CDH12: variants seen among roughly 807,000 people sequenced by gnomAD.
CDH12 encodes cadherin 12, also known as cadherin-12.
Under a neutral mutation model 74.1 loss-of-function variants are expected in CDH12, and 41 were observed. That is an observed-to-expected ratio of 0.55 (90% confidence interval 0.43 to 0.72). CDH12 has a LOEUF of 0.72. Ranked by LOEUF, CDH12 falls within the 30% of genes least tolerant of loss-of-function variation. The pLI is 0.00. For synonymous variants in CDH12, 399 were observed against 355.0 expected (o/e 1.12, Z -1.39); for missense variants, 945 against 977.2 (o/e 0.97, Z 0.44).
intron 5 of CDH12, among the ~76,000 whole-genome samples, chr5:21,993,201 C>T (rs1490387889): frequency 3.9e-5 from 6 of 152,106 alleles, no homozygotes; most frequent in African/African-American, 1.4e-4. Context: ...CAATACTGAA[C>T]TAAATCAAAA....
chr5:22,244,601 A>AGAG lies in CDH12; in HGVS notation c.-332-31961_-332-31959dup, dbSNP rs375956439. Among the ~76,000 whole-genome samples the AGAG allele has an allele frequency of 6.0e-3, 765 of 127,934 alleles. 8 individuals carry two copies. Among genetic ancestry groups the AGAG allele is most frequent in the African/African-American group, 0.021 (741 of 34,622 alleles). The allele number at this position is 127,934 out of a possible 152,430, so 83.9% of individuals were successfully genotyped here. On this transcript the variant is annotated intron_variant, in intron 3 of 14. Coordinates refer to ENST00000382254, the MANE Select transcript of CDH12 (RefSeq NM_004061.5). Reference sequence around the variant, plus strand: ...AGTAAGAGAAAGAAAGGAAAGACAGAGAGAGAAAGGAAGGAGGGAGGGAAG... The same window carrying AGAG: ...AGTAAGAGAAAGAAAGGAAAGACAGAGAGGAGAGAAAGGAAGGAGGGAGGGAAG...
At chr5:22,365,067 A>C (rs1261128860) in intron 3 of CDH12, among the ~76,000 whole-genome samples, 1 of 152,202 alleles carries the variant, frequency 6.6e-6, no homozygotes, top group East Asian at 1.9e-4. Flanking sequence ...ACTCGACTGC[A>C]TGACATAAGT....
intron 6 of CDH12, among the ~76,000 whole-genome samples, chr5:21,930,425 T>C (rs1323523085): frequency 6.6e-6 from 1 of 152,224 alleles, no homozygotes; most frequent in Non-Finnish European, 1.5e-5. Flanking sequence ...TAATACAATA[T>C]CCATATTTGC....
intron 5 of CDH12, among the ~76,000 whole-genome samples, chr5:22,052,355 T>A (rs1380954509): frequency 6.6e-6 from 1 of 152,168 alleles, no homozygotes; most frequent in Non-Finnish European, 1.5e-5. Context: ...TAAAACTATG[T>A]GTGATTATCT....
intron 4 of CDH12, among the ~76,000 whole-genome samples, chr5:22,099,718 C>T (rs1364290773): frequency 6.6e-6 from 1 of 152,196 alleles, no homozygotes; most frequent in Non-Finnish European, 1.5e-5. Context: ...CCCAAACTGC[C>T]ACTCTTAACT....
At chr5:22,094,679 A>G (rs1261541561) in intron 4 of CDH12, among the ~76,000 whole-genome samples, 1 of 152,160 alleles carries the variant, frequency 6.6e-6, no homozygotes, top group Non-Finnish European at 1.5e-5. Flanking sequence ...GTATAGATTT[A>G]AAGATGCACA....
At chr5:22,810,204 T>A (rs1405877658) in intron 1 of CDH12, among the ~76,000 whole-genome samples, 1 of 152,178 alleles carries the variant, frequency 6.6e-6, no homozygotes, top group African/African-American at 2.4e-5. Context: ...TTCCAGATTT[T>A]AGTGATGAGA....
chr5:22,325,217 T>C (rs1739035204), intron 3 of CDH12, among the ~76,000 whole-genome samples: 2 of 152,172 alleles, frequency 1.3e-5, no homozygotes, highest in Admixed American at 1.3e-4. Flanking sequence ...ATATAAATCA[T>C]AACAAAAACA....
intron 1 of CDH12, among the ~76,000 whole-genome samples, chr5:22,782,447 TG>T (rs1747429845): frequency 6.6e-6 from 1 of 152,134 alleles, no homozygotes; most frequent in African/African-American, 2.4e-5. Flanking sequence ...TCTCTCCTGC[TG>T]CCCTGTGAAG....
intron 3 of CDH12, among the ~76,000 whole-genome samples, chr5:22,239,879 C>T (rs961537162): frequency 2.0e-5 from 3 of 152,018 alleles, no homozygotes; most frequent in Admixed American, 6.6e-5. Context: ...TTTGCTTTAA[C>T]GGAAAACTAA....
chr5:22,249,399 T>C (rs533389307), intron 3 of CDH12, among the ~76,000 whole-genome samples: 135 of 152,188 alleles, frequency 8.9e-4, no homozygotes, highest in Non-Finnish European at 1.6e-3. Flanking sequence ...GTAGTAGAAG[T>C]GGAGTCGGAG....
At chr5:21,988,972 C>T (rs987297216) in intron 5 of CDH12, among the ~76,000 whole-genome samples, 6 of 152,058 alleles carry the variant, frequency 3.9e-5, no homozygotes, top group African/African-American at 1.4e-4. Flanking sequence ...TCCTATACAT[C>T]TGCGTATATT....
At chr5:22,810,945 TTACATATA>T (rs1476306018) in intron 1 of CDH12, among the ~76,000 whole-genome samples, 1 of 148,178 alleles carries the variant, frequency 6.7e-6, no homozygotes, top group South Asian at 2.1e-4. Flanking sequence ...ACATATATAC[TTACATATA>T]TACATATATA....
At chr5:22,141,405 A>G (rs1365260297) in intron 4 of CDH12, 1 of 152,204 alleles carries the variant, frequency 6.6e-6, no homozygotes, top group Non-Finnish European at 1.5e-5. Context: ...ATGTAAGTTG[A>G]GACCTGAGAA....
intron 2 of CDH12, among the ~76,000 whole-genome samples, chr5:22,500,173 A>T (rs1019404675): frequency 6.6e-6 from 1 of 152,178 alleles, no homozygotes; most frequent in African/African-American, 2.4e-5. Context: ...TTCTATCTTC[A>T]ACACAAAATG....
chr5:22,182,256 C>T (rs1749690216), intron 4 of CDH12, among the ~76,000 whole-genome samples: 1 of 151,846 alleles, frequency 6.6e-6, no homozygotes, highest in Non-Finnish European at 1.5e-5. Flanking sequence ...TTTTTTCTAA[C>T]CTAGCTTTTA....
At chr5:22,472,460 A>G (rs1746000849) in intron 2 of CDH12, among the ~76,000 whole-genome samples, 1 of 151,998 alleles carries the variant, frequency 6.6e-6, no homozygotes, top group East Asian at 1.9e-4. Context: ...CCACTTTTTA[A>G]TTTCTAACCT....
At chr5:22,589,874 C>A (rs1274617911) in intron 1 of CDH12, among the ~76,000 whole-genome samples, 1 of 152,032 alleles carries the variant, frequency 6.6e-6, no homozygotes, top group Non-Finnish European at 1.5e-5. Flanking sequence ...TAATGACTAA[C>A]AAATTTATAT....
At chr5:22,850,182 T>C (rs1737481112) in intron 1 of CDH12, among the ~76,000 whole-genome samples, 1 of 152,110 alleles carries the variant, frequency 6.6e-6, no homozygotes, top group Non-Finnish European at 1.5e-5. Flanking sequence ...ATTTTATTAA[T>C]CATCTTATGA....
Sources: allele counts gnomAD v4.1 joint callset (sites outside exome capture counted in the v4.1 genomes callset), GRCh38; gene constraint gnomAD v4.1.1; transcripts MANE v1.5; gene names NCBI Gene and HGNC (gene_info 2026-07-23, HGNC 2026-07-21).